The following CTNND2 variants were observed in gnomAD, a reference collection of about 807,000 sequenced individuals.
CTNND2 encodes catenin delta 2.
In CTNND2, 22 loss-of-function variants were observed where a neutral mutation model predicts 144.4. The ratio of observed to expected loss-of-function variants is 0.15; its 90% confidence interval spans 0.11 to 0.22. The LOEUF (loss-of-function observed/expected upper bound fraction) is 0.22, where lower values mean the gene tolerates loss of function less well. CTNND2 is among the 10% of genes least tolerant of loss of function. CTNND2 has a pLI of 1.00. For synonymous variants in CTNND2, 751 were observed against 695.6 expected (o/e 1.08, Z -1.25); for missense variants, 1,353 against 1,618.8 (o/e 0.84, Z 2.82).
intron 1 of CTNND2, among the ~76,000 whole-genome samples, chr5:11,809,929 A>C (rs1792227353): frequency 6.6e-6 from 1 of 152,214 alleles, no homozygotes; most frequent in African/African-American, 2.4e-5. Flanking sequence ...AATCATGTCT[A>C]TAAATGCTGG....
At chr5:11,331,900 A>G (rs1753178334) in intron 9 of CTNND2, among the ~76,000 whole-genome samples, 1 of 152,156 alleles carries the variant, frequency 6.6e-6, no homozygotes, top group African/African-American at 2.4e-5. Flanking sequence ...TATATTTCAA[A>G]ATAACTAGAA....
intron 19 of CTNND2, among the ~76,000 whole-genome samples, chr5:10,991,445 C>T (rs1276023094): frequency 2.0e-5 from 3 of 152,174 alleles, no homozygotes; most frequent in African/African-American, 7.2e-5. Context: ...TGTTATCCAT[C>T]TTTCACTCTC....
chr5:11,409,381 A>G (rs1027950128), intron 5 of CTNND2, among the ~76,000 whole-genome samples: 9 of 152,190 alleles, frequency 5.9e-5, no homozygotes, highest in African/African-American at 2.2e-4. Flanking sequence ...AACATATACT[A>G]TCATGCAATA....
At chr5:11,337,535 T>A (rs1367841178) in intron 9 of CTNND2, among the ~76,000 whole-genome samples, 1 of 152,228 alleles carries the variant, frequency 6.6e-6, no homozygotes, top group Non-Finnish European at 1.5e-5. Flanking sequence ...TATGAGAATA[T>A]CTAAATCCCA....
chr5:11,193,085 C>T (rs1024222838), intron 11 of CTNND2, among the ~76,000 whole-genome samples: 20 of 152,142 alleles, frequency 1.3e-4, no homozygotes, highest in African/African-American at 4.8e-4. Context: ...CCAATTCCAG[C>T]GTGAGGCAGC....
intron 3 of CTNND2, among the ~76,000 whole-genome samples, chr5:11,416,774 G>T (rs530617105): frequency 2.2e-4 from 33 of 152,172 alleles, no homozygotes; most frequent in African/African-American, 7.5e-4. Flanking sequence ...TTAAATGCAT[G>T]TTCAACTTCA....
chr5:11,834,666 A>G (rs1233855115), intron 1 of CTNND2, among the ~76,000 whole-genome samples: 1 of 152,218 alleles, frequency 6.6e-6, no homozygotes, highest in African/African-American at 2.4e-5. Context: ...TGGGTTGAAT[A>G]TCATTGTGAA....
intron 12 of CTNND2, among the ~76,000 whole-genome samples, chr5:11,120,488 A>G (rs1327109833): frequency 1.1e-4 from 17 of 149,778 alleles, no homozygotes; most frequent in Non-Finnish European, 2.2e-4. Flanking sequence ...GGGGGTTATC[A>G]TGCTGTCCGC....
intron 1 of CTNND2, among the ~76,000 whole-genome samples, chr5:11,831,472 T>C (rs1793897698): frequency 6.6e-6 from 1 of 151,724 alleles, no homozygotes; most frequent in South Asian, 2.1e-4. Flanking sequence ...ATCGAGACCA[T>C]CCTGGCTAAC....
At chr5:11,344,264 C>T (rs1754545752) in intron 9 of CTNND2, among the ~76,000 whole-genome samples, 1 of 152,088 alleles carries the variant, frequency 6.6e-6, no homozygotes, top group Non-Finnish European at 1.5e-5. Flanking sequence ...CGGTGGCGGG[C>T]GCCTGTAGTC....
chr5:11,321,266 C>T (rs1752002750), intron 9 of CTNND2, among the ~76,000 whole-genome samples: 2 of 152,284 alleles, frequency 1.3e-5, no homozygotes, highest in South Asian at 2.1e-4. Flanking sequence ...TTTGATTTTC[C>T]ATTTTTGTCA....
At chr5:11,719,223 G>T (rs1295394101) in intron 2 of CTNND2, among the ~76,000 whole-genome samples, 1 of 152,098 alleles carries the variant, frequency 6.6e-6, no homozygotes, top group Non-Finnish European at 1.5e-5. Flanking sequence ...CAGAATATTA[G>T]CCCACACTCT....
At chr5:11,560,692 G>C (rs1005009491) in intron 3 of CTNND2, among the ~76,000 whole-genome samples, 1 of 152,204 alleles carries the variant, frequency 6.6e-6, no homozygotes, top group Non-Finnish European at 1.5e-5. Context: ...AGTCTGTGCT[G>C]ATCGAGAAGA....
chr5:11,842,692 C>T (rs1794533008), intron 1 of CTNND2, among the ~76,000 whole-genome samples: 1 of 148,744 alleles, frequency 6.7e-6, no homozygotes, highest in Non-Finnish European at 1.5e-5. Context: ...GCACTCCAGC[C>T]TGGGTGACAG....
At chr5:11,465,434 A>T (rs989249867) in intron 3 of CTNND2, among the ~76,000 whole-genome samples, 2 of 152,148 alleles carry the variant, frequency 1.3e-5, no homozygotes, top group African/African-American at 4.8e-5. Flanking sequence ...TTTGAAACAT[A>T]ATAAATGCAG....
intron 2 of CTNND2, among the ~76,000 whole-genome samples, chr5:11,667,803 C>A (rs772733380): frequency 2.6e-5 from 4 of 152,118 alleles, no homozygotes; most frequent in Non-Finnish European, 2.9e-5. Flanking sequence ...GCTTTTGTTG[C>A]CACTGCTTTT....
intron 1 of CTNND2, among the ~76,000 whole-genome samples, chr5:11,774,960 C>T (rs1357484008): frequency 6.6e-6 from 1 of 152,136 alleles, no homozygotes; most frequent in Non-Finnish European, 1.5e-5. Flanking sequence ...TTCTTACATC[C>T]AATCCCATCC....
chr5:11,160,218 T>C (rs2149768753), intron 11 of CTNND2, among the ~76,000 whole-genome samples: 1 of 152,324 alleles, frequency 6.6e-6, no homozygotes, highest in East Asian at 1.9e-4. Context: ...CCAGCTACCA[T>C]GGGTAGGACC....
chr5:11,458,700 C>T (rs568599026), intron 3 of CTNND2, among the ~76,000 whole-genome samples: 20 of 152,328 alleles, frequency 1.3e-4, no homozygotes, highest in Admixed American at 4.6e-4. Context: ...CTTGGAGATT[C>T]ATAAGGTACA....
Sources: gnomAD v4.1 joint callset for allele counts (sites outside exome capture counted in the v4.1 genomes callset) on GRCh38, gnomAD v4.1.1 for gene constraint, MANE v1.5 for transcripts, NCBI Gene and HGNC (gene_info 2026-07-23, HGNC 2026-07-21) for gene names.